The following ESRRG variants were observed in gnomAD, a reference collection of about 807,000 sequenced individuals.
The protein encoded by ESRRG is estrogen-related receptor gamma.
Under a neutral mutation model 44.0 loss-of-function variants are expected in ESRRG, and 13 were observed. The ratio of observed to expected loss-of-function variants is 0.30; its 90% CI spans 0.19 to 0.47. The LOEUF (loss-of-function observed/expected upper bound fraction) is 0.47, where lower values mean the gene tolerates loss of function less well. ESRRG is among the 20% of genes least tolerant of loss of function. The pLI, the probability that ESRRG is intolerant of heterozygous loss-of-function variation, is 1.00. For missense variants in ESRRG, 395 were observed against 580.6 expected (o/e 0.68, Z 3.29); for synonymous variants, 215 against 214.6 (o/e 1.00, Z -0.02).
At chr1:217,109,982 CT>C (rs1174104089) in intron 1 of ESRRG, among the ~76,000 whole-genome samples, 1 of 152,090 alleles carries the variant, frequency 6.6e-6, no homozygotes, top group African/African-American at 2.4e-5. Flanking sequence ...TAAATCATCC[CT>C]GTTTATTTAG....
chr1:217,083,335 G>T (rs1453976179), intron 1 of ESRRG, among the ~76,000 whole-genome samples: 1 of 152,164 alleles, frequency 6.6e-6, no homozygotes, highest in African/African-American at 2.4e-5. Flanking sequence ...TTACTACTCG[G>T]TATACTAATA....
At chr1:216,740,142 A>G (rs990189241) in intron 2 of ESRRG, among the ~76,000 whole-genome samples, 2 of 152,186 alleles carry the variant, frequency 1.3e-5, no homozygotes, top group African/African-American at 2.4e-5. Flanking sequence ...TAAATTCTCT[A>G]TTTTGAATGA....
intron 2 of ESRRG, among the ~76,000 whole-genome samples, chr1:216,870,370 C>T (rs983553661): frequency 1.3e-5 from 2 of 150,638 alleles, no homozygotes; most frequent in African/African-American, 4.9e-5. Flanking sequence ...CATTTTACAT[C>T]TTCATTTGAT....
chr1:216,549,974 G>T (rs11572797), intron 5 of ESRRG, among the ~76,000 whole-genome samples: 1 of 152,078 alleles, frequency 6.6e-6, no homozygotes, highest in Non-Finnish European at 1.5e-5. Flanking sequence ...GTTGGCATCT[G>T]ACTGCAACAG....
chr1:216,979,808 C>T (rs911846223), intron 1 of ESRRG, among the ~76,000 whole-genome samples: 5 of 152,074 alleles, frequency 3.3e-5, no homozygotes, highest in Admixed American at 1.3e-4. Context: ...GGCACCAAGA[C>T]ATCATGCTAT....
intron 1 of ESRRG, among the ~76,000 whole-genome samples, chr1:217,069,359 C>T (rs562672339): frequency 6.6e-6 from 1 of 151,734 alleles, no homozygotes; most frequent in Admixed American, 6.6e-5. Context: ...TGAGTTAATA[C>T]TTAGTAAACT....
chr1:216,732,381 A>ATT lies in ESRRG; in HGVS notation c.-13-54892_-13-54891dup, dbSNP rs5780915. On this transcript the variant is annotated intron_variant, in intron 2 of 7. Coordinates refer to the ESRRG transcript ENST00000359162. ...GCAAAGTTGACATCTGGATTTATTG[A>ATT]TTTTTTTTTTTTTTTAACAGAGACT... Among the ~76,000 whole-genome samples the ATT allele has an allele frequency of 5.4e-3, 788 of 145,480 alleles. 4 individuals are homozygous for ATT. Among genetic ancestry groups the ATT allele is most frequent in the Middle Eastern group, 0.014 (4 of 278 alleles).
chr1:216,557,259 T>C (rs1187541478), intron 5 of ESRRG, among the ~76,000 whole-genome samples: 2 of 152,208 alleles, frequency 1.3e-5, no homozygotes, highest in African/African-American at 4.8e-5. Context: ...CTTTAATCTT[T>C]CATTTTTTAA....
intron 1 of ESRRG, among the ~76,000 whole-genome samples, chr1:216,694,568 TA>T (rs1158445564): frequency 6.6e-6 from 1 of 152,116 alleles, no homozygotes; most frequent in East Asian, 1.9e-4. Flanking sequence ...TATTTTATTT[TA>T]TTTTTTTGAC....
In ESRRG at chr1:216,778,413, C is replaced by T. The variant is rs184184914; in HGVS notation, c.-13-100922G>A. 3.9e-5 allele frequency among the ~76,000 whole-genome samples: 6 copies of T among 151,992 alleles called. No individual in the cohort carries two copies. The East Asian group carries it at 1.2e-3, about 30-fold the overall frequency. On this transcript the variant is annotated intron_variant, in intron 2 of 7. Coordinates refer to the ESRRG transcript ENST00000359162. ...AACTGTGAACCATCACTTTTGGTAG[C>T]AGAGGGAATGAATTTCTTGGTCCTG...
Position 216,524,608 on chromosome 1 carries a change from C to T in ESRRG, c.863-5187G>A, listed in dbSNP as rs12026661. On this transcript the variant is annotated intron_variant, in intron 5 of 6. Transcript: ENST00000408911. The stretch of plus-strand genomic sequence containing the variant: ...AATTGACAAAAATGGAAAATAGGTC[C>T]CTTGCTAGCTAATTTAGTCATTTGT... 3.9e-3 allele frequency among the ~76,000 whole-genome samples: 596 copies of T among 151,888 alleles called. 19 individuals are homozygous for T. In the East Asian group the frequency reaches 0.09, roughly 23 times the overall value.
intron 1 of ESRRG, among the ~76,000 whole-genome samples, chr1:216,970,869 A>G (rs571375002): frequency 1.3e-5 from 2 of 152,306 alleles, no homozygotes; most frequent in East Asian, 3.9e-4. Context: ...ATATATCTGG[A>G]ACATAATACC....
intron 1 of ESRRG, among the ~76,000 whole-genome samples, chr1:217,029,038 A>C (rs1299401017): frequency 6.9e-6 from 1 of 144,812 alleles, no homozygotes; most frequent in African/African-American, 2.6e-5. Flanking sequence ...TCAGAGTTTA[A>C]AATGAGCTCT....
chr1:216,994,978 C>T (rs1310991177), intron 1 of ESRRG, among the ~76,000 whole-genome samples: 1 of 152,188 alleles, frequency 6.6e-6, no homozygotes, highest in Admixed American at 6.5e-5. Context: ...CTTCATAAGC[C>T]AGCTTTGCTG....
At chr1:216,522,827 A>G (rs868750030) in intron 5 of ESRRG, among the ~76,000 whole-genome samples, 5 of 152,224 alleles carry the variant, frequency 3.3e-5, no homozygotes, top group African/African-American at 9.6e-5. Context: ...TTCTTAAAAC[A>G]TAATTGCTCT....
intron 1 of ESRRG, among the ~76,000 whole-genome samples, chr1:216,679,723 C>A (rs868752841): frequency 2.1e-5 from 3 of 144,644 alleles, no homozygotes; most frequent in African/African-American, 7.8e-5. Flanking sequence ...TCTCTCTTTT[C>A]CTGTATCTTC....
At chr1:216,784,006 C>G (rs1224440990) in intron 2 of ESRRG, among the ~76,000 whole-genome samples, 14 of 152,022 alleles carry the variant, frequency 9.2e-5, no homozygotes, top group Admixed American at 8.5e-4. Flanking sequence ...TGCACCATGC[C>G]TCTTGCTTTT....
intron 1 of ESRRG, among the ~76,000 whole-genome samples, chr1:216,712,889 G>A: frequency 6.6e-6 from 1 of 152,104 alleles, no homozygotes; most frequent in East Asian, 1.9e-4. Context: ...CCACAGAAAG[G>A]TCCCAAGTTG....
chr1:216,637,334 T>C (rs1166932077), intron 3 of ESRRG, among the ~76,000 whole-genome samples: 1 of 152,176 alleles, frequency 6.6e-6, no homozygotes, highest in Non-Finnish European at 1.5e-5. Context: ...GAGCAATATT[T>C]ACAGAAATCA....
Sources: gnomAD v4.1 joint callset for allele counts (sites outside exome capture counted in the v4.1 genomes callset) on GRCh38, gnomAD v4.1.1 for gene constraint, MANE v1.5 for transcripts, NCBI Gene and HGNC (gene_info 2026-07-23, HGNC 2026-07-21) for gene names.